Variants in ADGRB3 observed in about 807,000 individuals in gnomAD.
ADGRB3 encodes brain-specific angiogenesis inhibitor 3.
A neutral mutation model predicts 193.4 loss-of-function variants in ADGRB3; 37 were observed. That is an observed-to-expected ratio of 0.19 (90% CI 0.15 to 0.25). The LOEUF (loss-of-function observed/expected upper bound fraction) is 0.25, where lower values mean the gene tolerates loss of function less well. ADGRB3 is among the 10% of genes least tolerant of loss of function. The probability of loss-of-function intolerance (pLI) is 1.00; values close to 1 mark genes in which losing one functional copy is unlikely to be tolerated. For synonymous variants in ADGRB3, 690 were observed against 644.2 expected (o/e 1.07, Z -1.08); for missense variants, 1,637 against 1,852.9 (o/e 0.88, Z 2.14).
In ADGRB3 at chr6:69,388,708, C is replaced by T. The variant is rs1359766044; in HGVS notation, c.4386C>T (p.Asn1462=). ...RDIPNTSSME[N]PAPNKNPWDT... ...TTTCCCTCTCTTCTCAACAGGAAAA[C>T]CCCGCACCAAACAAGAATCCATGGG... The change falls in exon 32 of 32, where the codon AAC becomes AAT. Residue 1462 remains asparagine, a synonymous_variant. Coordinates refer to ENST00000370598, the MANE Select transcript of ADGRB3 (RefSeq NM_001704.3). 1.2e-6 allele frequency: 2 copies of T among 1,612,414 alleles called. No individual in the cohort carries two copies. The highest frequency in any genetic ancestry group is 1.7e-6 in the Non-Finnish European group (2 of 1,179,148).
chr6:69,087,886 T>A (rs750461233), intron 17 of ADGRB3, among the ~76,000 whole-genome samples: 1 of 152,216 alleles, frequency 6.6e-6, no homozygotes, highest in African/African-American at 2.4e-5. Context: ...ATTTCATGCC[T>A]TAGCTTAATG....
intron 17 of ADGRB3, chr6:69,232,616 A>T: frequency 6.5e-7 from 1 of 1,535,596 alleles, no homozygotes; most frequent in East Asian, 2.4e-5. Context: ...TGAAGTGTGG[A>T]GTAGGAAGCT....
At chr6:68,935,557 A>G (rs945968711) in intron 4 of ADGRB3, among the ~76,000 whole-genome samples, 9 of 152,184 alleles carry the variant, frequency 5.9e-5, no homozygotes, top group Middle Eastern at 3.2e-3. Context: ...CAATGACTAA[A>G]TGGTTAACTT....
intron 3 of ADGRB3, among the ~76,000 whole-genome samples, chr6:68,888,797 G>A (rs946050536): frequency 6.6e-6 from 1 of 152,130 alleles, no homozygotes; most frequent in African/African-American, 2.4e-5. Context: ...GCAATCTAGA[G>A]TTAAGAGTAT....
chr6:69,017,233 A>G (rs1770119166), intron 12 of ADGRB3, among the ~76,000 whole-genome samples: 1 of 151,888 alleles, frequency 6.6e-6, no homozygotes, highest in Middle Eastern at 3.2e-3. Context: ...TGAAATACAC[A>G]TGTGCCTGCT....
chr6:68,760,314 A>G (rs1308697293), intron 3 of ADGRB3, among the ~76,000 whole-genome samples: 1 of 152,216 alleles, frequency 6.6e-6, no homozygotes, highest in Non-Finnish European at 1.5e-5. Context: ...TGGTTGTCAT[A>G]TACTTCAGTA....
intron 17 of ADGRB3, among the ~76,000 whole-genome samples, chr6:69,188,009 A>G: frequency 6.6e-6 from 1 of 152,192 alleles, no homozygotes; most frequent in East Asian, 1.9e-4. Context: ...AAATATTGAT[A>G]CTAGTTCTTT....
At chr6:69,344,564 G>A (rs1769045088) in intron 26 of ADGRB3, among the ~76,000 whole-genome samples, 1 of 152,076 alleles carries the variant, frequency 6.6e-6, no homozygotes, top group Non-Finnish European at 1.5e-5. Flanking sequence ...TAAAAATGAA[G>A]CCAGTAGTGA....
At chr6:68,781,039 G>A (rs1163918354) in intron 3 of ADGRB3, among the ~76,000 whole-genome samples, 1 of 152,112 alleles carries the variant, frequency 6.6e-6, no homozygotes, top group Non-Finnish European at 1.5e-5. Context: ...GTTTCATTTT[G>A]TTTTGTTTTA....
chr6:69,004,079 A>T (rs1372451042), intron 11 of ADGRB3, among the ~76,000 whole-genome samples: 1 of 152,216 alleles, frequency 6.6e-6, no homozygotes, highest in Non-Finnish European at 1.5e-5. Flanking sequence ...TGCATTAGTA[A>T]AAGTTACAGA....
At chr6:68,757,871 C>T (rs997896501) in intron 3 of ADGRB3, among the ~76,000 whole-genome samples, 2 of 152,068 alleles carry the variant, frequency 1.3e-5, no homozygotes, top group African/African-American at 4.8e-5. Flanking sequence ...TACCATTGAC[C>T]TTTAAAATTA....
At chr6:69,148,413 A>G (rs1292407046) in intron 17 of ADGRB3, among the ~76,000 whole-genome samples, 1 of 152,188 alleles carries the variant, frequency 6.6e-6, no homozygotes, top group African/African-American at 2.4e-5. Context: ...GAAAGAAAAC[A>G]CTAATAAAAA....
At chr6:68,930,874 C>G (rs1767318700) in intron 4 of ADGRB3, among the ~76,000 whole-genome samples, 1 of 151,896 alleles carries the variant, frequency 6.6e-6, no homozygotes, top group South Asian at 2.1e-4. Context: ...ATTTTGCTTT[C>G]AGTATGGGAC....
chr6:69,000,856 A>C (rs896487003), intron 11 of ADGRB3, among the ~76,000 whole-genome samples: 1 of 152,236 alleles, frequency 6.6e-6, no homozygotes, highest in Non-Finnish European at 1.5e-5. Context: ...TGAATCATGA[A>C]GATTAACTGT....
intron 20 of ADGRB3, among the ~76,000 whole-genome samples, chr6:69,243,241 T>G (rs917447346): frequency 6.6e-6 from 1 of 151,900 alleles, no homozygotes; most frequent in Non-Finnish European, 1.5e-5. Context: ...AAGTCCAAAT[T>G]TTATCACACA....
intron 3 of ADGRB3, among the ~76,000 whole-genome samples, chr6:68,920,883 A>T (rs1040615757): frequency 6.6e-6 from 1 of 152,202 alleles, no homozygotes; most frequent in Non-Finnish European, 1.5e-5. Flanking sequence ...GATGTAAAGG[A>T]AGAAAGGGAA....
intron 3 of ADGRB3, among the ~76,000 whole-genome samples, chr6:68,833,039 G>A (rs1767983357): frequency 6.6e-6 from 1 of 152,082 alleles, no homozygotes; most frequent in South Asian, 2.1e-4. Flanking sequence ...TTTAAGACAA[G>A]GTTGTTGCAG....
intron 20 of ADGRB3, among the ~76,000 whole-genome samples, chr6:69,307,430 T>C (rs1768088533): frequency 6.6e-6 from 1 of 151,610 alleles, no homozygotes; most frequent in Non-Finnish European, 1.5e-5. Flanking sequence ...TCTCTGGCTT[T>C]TGACTAATTT....
chr6:68,933,715 T>C (rs1171797588), intron 4 of ADGRB3, among the ~76,000 whole-genome samples: 1 of 152,230 alleles, frequency 6.6e-6, no homozygotes, highest in East Asian at 1.9e-4. Context: ...TTCTCACATA[T>C]TATCTCACTC....
Sources: gnomAD v4.1 joint callset for allele counts (sites outside exome capture counted in the v4.1 genomes callset) on GRCh38, gnomAD v4.1.1 for gene constraint, MANE v1.5 for transcripts, NCBI Gene and HGNC (gene_info 2026-07-23, HGNC 2026-07-21) for gene names.